Variants in SAMD12 observed in about 807,000 individuals in gnomAD.
The protein encoded by SAMD12 is sterile alpha motif domain-containing protein 12.
In SAMD12, 9 loss-of-function variants were observed where a neutral mutation model predicts 15.0. The observed-to-expected ratio is 0.60, with a 90% CI of 0.36 to 1.05. The LOEUF (loss-of-function observed/expected upper bound fraction) is 1.05. Among genes scored for constraint, SAMD12 ranks in the 50% least tolerant of loss-of-function variants. The probability of loss-of-function intolerance (pLI) is 0.01; values close to 1 mark genes in which losing one functional copy is unlikely to be tolerated. For synonymous variants in SAMD12, 86 were observed against 90.1 expected (o/e 0.96, Z 0.25); for missense variants, 230 against 234.2 (o/e 0.98, Z 0.12).
intron 2 of SAMD12, among the ~76,000 whole-genome samples, chr8:118,505,474 G>T (rs900105105): frequency 1.3e-5 from 2 of 151,776 alleles, no homozygotes; most frequent in African/African-American, 4.8e-5. Context: ...TATGAAAACC[G>T]TTTGGAAAGC....
At chr8:118,240,900 G>GAAC (rs1341908313) in intron 4 of SAMD12, among the ~76,000 whole-genome samples, 2 of 152,062 alleles carry the variant, frequency 1.3e-5, no homozygotes, top group Non-Finnish European at 2.9e-5. Context: ...AAATGCTGAT[G>GAAC]AACAGCATTT....
the SAMD12 span, among the ~76,000 whole-genome samples, chr8:118,147,316 C>T: frequency 6.6e-6 from 1 of 151,676 alleles, no homozygotes; most frequent in Non-Finnish European, 1.5e-5. Flanking sequence ...TGAGCCACCA[C>T]ACCCAGCCAG....
At chr8:118,548,623 T>A (rs1365923519) in intron 2 of SAMD12, among the ~76,000 whole-genome samples, 1 of 152,196 alleles carries the variant, frequency 6.6e-6, no homozygotes, top group East Asian at 1.9e-4. Flanking sequence ...GATTTCTGCA[T>A]TTTCATCTGA....
At chr8:118,399,326 T>C (rs990761734) in intron 3 of SAMD12, among the ~76,000 whole-genome samples, 1 of 152,114 alleles carries the variant, frequency 6.6e-6, no homozygotes, top group African/African-American at 2.4e-5. Context: ...CAATAATTAG[T>C]TCTAATGATT....
intron 2 of SAMD12, among the ~76,000 whole-genome samples, chr8:118,473,085 G>C (rs550874794): frequency 4.9e-4 from 74 of 152,258 alleles, no homozygotes; most frequent in South Asian, 4.1e-3. Flanking sequence ...GAGGCAGTGG[G>C]GAGAAGGGAG....
intron 2 of SAMD12, among the ~76,000 whole-genome samples, chr8:118,532,775 G>A (rs1446726818): frequency 4.6e-5 from 7 of 151,952 alleles, no homozygotes; most frequent in South Asian, 4.2e-4. Flanking sequence ...CTGTGGGATC[G>A]GTGGTGATAT....
intron 3 of SAMD12, among the ~76,000 whole-genome samples, chr8:118,402,174 T>C (rs1287289712): frequency 6.6e-6 from 1 of 152,138 alleles, no homozygotes; most frequent in African/African-American, 2.4e-5. Flanking sequence ...TAATTTGGTA[T>C]TACAAAATCA....
intron 4 of SAMD12, among the ~76,000 whole-genome samples, chr8:118,369,196 G>A (rs1402437093): frequency 2.0e-5 from 3 of 152,058 alleles, no homozygotes; most frequent in African/African-American, 4.8e-5. Context: ...AATGCAGAGG[G>A]GCCAAAAACA....
intron 2 of SAMD12, among the ~76,000 whole-genome samples, chr8:118,569,084 TTGGCATTTGG>T (rs780746394): frequency 1.6e-4 from 25 of 152,324 alleles, no homozygotes; most frequent in Middle Eastern, 3.4e-3. Flanking sequence ...ACTCAGCCAT[TTGGCATTTGG>T]CCAAAATGCA....
At chr8:118,457,379 T>C (rs962575758) in intron 2 of SAMD12, among the ~76,000 whole-genome samples, 2 of 151,732 alleles carry the variant, frequency 1.3e-5, no homozygotes, top group Non-Finnish European at 2.9e-5. Context: ...TATAGATTCA[T>C]ACCACAACAC....
chr8:118,463,607 C>G (rs1288120461), intron 2 of SAMD12, among the ~76,000 whole-genome samples: 1 of 152,030 alleles, frequency 6.6e-6, no homozygotes, highest in Non-Finnish European at 1.5e-5. Context: ...TGAAGGGGAA[C>G]AGAAATTACA....
At chr8:118,497,724 G>A (rs1219065197) in intron 2 of SAMD12, among the ~76,000 whole-genome samples, 1 of 39,768 alleles carries the variant, frequency 2.5e-5, no homozygotes, top group East Asian at 9.0e-4. Context: ...CTTAAGTTGC[G>A]GGGGGGGGTG....
At chr8:118,245,736 G>A (rs1282399726) in intron 4 of SAMD12, among the ~76,000 whole-genome samples, 1 of 152,068 alleles carries the variant, frequency 6.6e-6, no homozygotes, top group Non-Finnish European at 1.5e-5. Context: ...CTCTTTTGAT[G>A]TTTCCATCAT....
At chr8:118,555,712 T>A (rs1004004040) in intron 2 of SAMD12, among the ~76,000 whole-genome samples, 2 of 152,224 alleles carry the variant, frequency 1.3e-5, no homozygotes, top group Admixed American at 6.5e-5. Context: ...AAATAATCTG[T>A]AGTGCCAATG....
chr8:118,554,156 CA>C (rs1411916242), intron 2 of SAMD12, among the ~76,000 whole-genome samples: 1 of 152,024 alleles, frequency 6.6e-6, no homozygotes, highest in Non-Finnish European at 1.5e-5. Context: ...CTAGAAATAC[CA>C]TTTGACCCAG....
chr8:118,547,832 T>G (rs1053057922), intron 2 of SAMD12, among the ~76,000 whole-genome samples: 3 of 152,230 alleles, frequency 2.0e-5, no homozygotes, highest in Non-Finnish European at 4.4e-5. Flanking sequence ...AAAACCAGAT[T>G]TGATGTGTTA....
At chr8:118,423,978 T>G (rs1822134785) in intron 3 of SAMD12, among the ~76,000 whole-genome samples, 1 of 152,240 alleles carries the variant, frequency 6.6e-6, no homozygotes, top group Non-Finnish European at 1.5e-5. Flanking sequence ...GAATTCTTTC[T>G]ACCTTGAGTT....
chr8:118,447,082 T>G (rs1401669756), intron 2 of SAMD12, among the ~76,000 whole-genome samples: 1 of 152,160 alleles, frequency 6.6e-6, no homozygotes, highest in Admixed American at 6.5e-5. Flanking sequence ...TCCTGGATTT[T>G]TCATAGACTT....
chr8:118,270,025 G>A (rs933901832), intron 4 of SAMD12, among the ~76,000 whole-genome samples: 1 of 152,176 alleles, frequency 6.6e-6, no homozygotes, highest in Non-Finnish European at 1.5e-5. Flanking sequence ...TTTTTTGAAT[G>A]TGATTGCTTT....
Sources: allele counts gnomAD v4.1 joint callset (sites outside exome capture counted in the v4.1 genomes callset), GRCh38; gene constraint gnomAD v4.1.1; transcripts MANE v1.5; gene names NCBI Gene and HGNC (gene_info 2026-07-23, HGNC 2026-07-21).